MIS18A: variants seen among roughly 807,000 people sequenced by gnomAD.
The protein encoded by MIS18A is MIS18 kinetochore protein A, also known as protein Mis18-alpha.
In MIS18A, 14 loss-of-function variants were observed where a neutral mutation model predicts 25.0. The observed-to-expected ratio is 0.56, with a 90% CI of 0.37 to 0.88. The LOEUF is 0.88. MIS18A is among the 40% of genes least tolerant of loss of function. The pLI is 0.00. For missense variants in MIS18A, 292 were observed against 290.8 expected (o/e 1.00, Z -0.03); for synonymous variants, 134 against 118.6 (o/e 1.13, Z -0.84).
chr21:32,158,411 T>C, the MIS18A span, among the ~76,000 whole-genome samples: 68 of 152,286 alleles, frequency 4.5e-4, 2 homozygotes, highest in African/African-American at 1.5e-3. Flanking sequence ...ACCAATTGTT[T>C]AGTTTTGTAT....
At chr21:32,270,326 TATTG>T in intron 3 of MIS18A, 77 bp downstream of exon 3, 1 of 1,503,360 alleles carries the variant, frequency 6.7e-7, no homozygotes, top group South Asian at 1.2e-5. Context: ...AACCAAACAG[TATTG>T]ATTTAGTTCT....
chr21:32,212,713 G>C, the MIS18A span, among the ~76,000 whole-genome samples: 2 of 152,300 alleles, frequency 1.3e-5, no homozygotes, highest in African/African-American at 4.8e-5. Context: ...GTGGGGGCCA[G>C]GTGGAGATAA....
At chr21:32,195,528 G>C in the MIS18A span, among the ~76,000 whole-genome samples, 3 of 152,334 alleles carry the variant, frequency 2.0e-5, no homozygotes, top group South Asian at 6.2e-4. Context: ...TGGAGACCTA[G>C]TGAGTTTTCC....
the MIS18A span, among the ~76,000 whole-genome samples, chr21:32,180,472 A>G: frequency 6.6e-6 from 1 of 152,054 alleles, no homozygotes; most frequent in African/African-American, 2.4e-5. Flanking sequence ...CCTCTCTCTC[A>G]CAGCCCTCTT....
chr21:32,223,351 GA>G, the MIS18A span, among the ~76,000 whole-genome samples: 1 of 152,046 alleles, frequency 6.6e-6, no homozygotes, highest in Non-Finnish European at 1.5e-5. Context: ...CTGGTTTTCT[GA>G]AAAGATTAAC....
At chr21:32,265,542 C>G (rs1422154621), downstream of MIS18A, among the ~76,000 whole-genome samples, 1 of 152,252 alleles carries the variant, frequency 6.6e-6, no homozygotes, top group Non-Finnish European at 1.5e-5. Context: ...TGCTGGATTT[C>G]TCGCCAGGCC....
chr21:32,197,636 C>G, the MIS18A span: 1 of 152,164 alleles, frequency 6.6e-6, no homozygotes, highest in African/African-American at 2.4e-5. Context: ...TCTGTAGAGA[C>G]CGTCTGCCTG....
At chr21:32,229,329 A>T in the MIS18A span, among the ~76,000 whole-genome samples, 1 of 152,358 alleles carries the variant, frequency 6.6e-6, no homozygotes, top group South Asian at 2.1e-4. Flanking sequence ...GTGCCAGGCA[A>T]ACAAGCAAGA....
chr21:32,217,969 G>T, the MIS18A span, among the ~76,000 whole-genome samples: 1 of 151,704 alleles, frequency 6.6e-6, no homozygotes, highest in East Asian at 1.9e-4. Context: ...TGAGGCGGGC[G>T]GATCACAAGG....
the MIS18A span, among the ~76,000 whole-genome samples, chr21:32,213,996 A>G: frequency 6.6e-6 from 1 of 152,166 alleles, no homozygotes; most frequent in Non-Finnish European, 1.5e-5. Context: ...TCAGTCTACC[A>G]CAGGGGGTAT....
downstream of MIS18A, among the ~76,000 whole-genome samples, chr21:32,263,974 G>C (rs185693125): frequency 6.6e-6 from 1 of 152,092 alleles, no homozygotes; most frequent in East Asian, 1.9e-4. Flanking sequence ...GAGGTGAGTG[G>C]TCTAAGATTT....
the MIS18A span, among the ~76,000 whole-genome samples, chr21:32,183,342 T>C: frequency 3.9e-5 from 6 of 152,338 alleles, no homozygotes; most frequent in South Asian, 1.0e-3. Context: ...GTTTTGGTAA[T>C]ATGTCATCAA....
chr21:32,252,619 G>A, the MIS18A span, among the ~76,000 whole-genome samples: 9 of 152,214 alleles, frequency 5.9e-5, no homozygotes, highest in East Asian at 5.8e-4. Flanking sequence ...CAGCATACCC[G>A]CTGTCAGAAG....
the MIS18A span, among the ~76,000 whole-genome samples, chr21:32,169,298 CT>C: frequency 3.3e-5 from 5 of 152,066 alleles, no homozygotes; most frequent in African/African-American, 1.2e-4. Flanking sequence ...CTATATGGCC[CT>C]TCTAGCAACT....
the MIS18A span, among the ~76,000 whole-genome samples, chr21:32,248,858 G>T: frequency 2.6e-5 from 4 of 152,222 alleles, no homozygotes; most frequent in East Asian, 7.7e-4. Flanking sequence ...GTAGCAAAAG[G>T]ACATAAACCA....
the MIS18A span, among the ~76,000 whole-genome samples, chr21:32,244,173 G>C: frequency 0.012 from 1,881 of 152,226 alleles, 32 homozygotes; most frequent in African/African-American, 0.041. Flanking sequence ...ACTACATACA[G>C]TATGATTTCC....
At chr21:32,168,766 A>G in the MIS18A span, among the ~76,000 whole-genome samples, 3,844 of 152,304 alleles carry the variant, frequency 0.025, 167 homozygotes, top group East Asian at 0.11. Context: ...TAGCATTGGG[A>G]AAAACACTAA....
chr21:32,232,541 T>C, the MIS18A span, among the ~76,000 whole-genome samples: 2 of 152,016 alleles, frequency 1.3e-5, no homozygotes, highest in Admixed American at 6.6e-5. Flanking sequence ...TTTGTGTATA[T>C]ATATAATTGA....
the MIS18A span, among the ~76,000 whole-genome samples, chr21:32,216,590 G>C: frequency 6.6e-6 from 1 of 152,206 alleles, no homozygotes; most frequent in Non-Finnish European, 1.5e-5. Flanking sequence ...TGTTCAAAGA[G>C]AGCTTTTAAA....
Sources: gnomAD v4.1 joint callset for allele counts (sites outside exome capture counted in the v4.1 genomes callset) on GRCh38, gnomAD v4.1.1 for gene constraint, MANE v1.5 for transcripts, NCBI Gene and HGNC (gene_info 2026-07-23, HGNC 2026-07-21) for gene names.